The following MRPS6 variants were observed in gnomAD, a reference collection of about 807,000 sequenced individuals.
MRPS6 encodes the protein mitochondrial ribosomal protein S6, also known as small ribosomal subunit protein bS6m.
A neutral mutation model predicts 13.1 loss-of-function variants in MRPS6; 6 were observed. The ratio of observed to expected loss-of-function variants is 0.46; its 90% CI spans 0.25 to 0.91. The LOEUF is 0.91. MRPS6 is among the 40% of genes least tolerant of loss of function. MRPS6 has a pLI of 0.18. For missense variants in MRPS6, 164 were observed against 155.6 expected (o/e 1.05, Z -0.29); for synonymous variants, 61 against 56.5 (o/e 1.08, Z -0.36).
At chr21:34,127,086 A>T (rs1041699501) in intron 2 of MRPS6, among the ~76,000 whole-genome samples, 3 of 152,200 alleles carry the variant, frequency 2.0e-5, no homozygotes, top group African/African-American at 7.2e-5. Flanking sequence ...GCAAAGGTGC[A>T]TGTGCCTCGC....
chr21:34,129,426 T>G (rs1303835793), intron 2 of MRPS6, among the ~76,000 whole-genome samples: 1 of 152,238 alleles, frequency 6.6e-6, no homozygotes, highest in Non-Finnish European at 1.5e-5. Flanking sequence ...TTGGGCTGGC[T>G]TCCAAATGCC....
intron 1 of MRPS6, 41 bp downstream of exon 1, chr21:34,073,786 G>GC: frequency 7.1e-7 from 1 of 1,415,186 alleles, no homozygotes. Context: ...CCGCGCGGGC[G>GC]CCCCCGCTGC....
In MRPS6 at chr21:34,125,352, T is replaced by C. The variant is rs760092402; in HGVS notation, c.57T>C (p.Ala19=). The C allele has an allele frequency of 1.9e-6, 3 of 1,610,256 alleles. No homozygotes were observed. In the South Asian group the frequency reaches 3.3e-5, roughly 18 times the overall value. The change falls in exon 2 of 3, where the codon GCT becomes GCC. Residue 19 remains alanine, a synonymous_variant. Transcript: ENST00000399312. ...ACAAACAAAAACAGCCAGAGACTGC[T>C]GCTACTTTGAAACGTACGATAGAGG... ...ILKAMQRPET[A]ATLKRTIEAL...
At chr21:34,127,937 A>T (rs191142212) in intron 2 of MRPS6, among the ~76,000 whole-genome samples, 1 of 152,338 alleles carries the variant, frequency 6.6e-6, no homozygotes, top group East Asian at 1.9e-4. Flanking sequence ...AGGCTATGAC[A>T]CGTATCCGAA....
intron 1 of MRPS6, chr21:34,105,590 G>A (rs966971056): frequency 2.9e-5 from 29 of 999,728 alleles, no homozygotes; most frequent in African/African-American, 3.5e-5. Context: ...AGACCAGTTA[G>A]TACACTGGGG....
At chr21:34,117,436 T>C (rs191812517) in intron 1 of MRPS6, among the ~76,000 whole-genome samples, 12 of 152,328 alleles carry the variant, frequency 7.9e-5, no homozygotes, top group Non-Finnish European at 1.2e-4. Flanking sequence ...TGAGTTCTTG[T>C]GGCATCATTG....
rs1432223316 is a variant in MRPS6 at position 34,080,456 on chromosome 21, C to G, written c.45+6711C>G. 2.0e-5 allele frequency among the ~76,000 whole-genome samples: 3 copies of G among 152,102 alleles called. No individual in the cohort carries two copies. In the East Asian group the frequency reaches 5.8e-4, roughly 29 times the overall value. On this transcript the variant is annotated intron_variant, in intron 1 of 2. Coordinates refer to ENST00000399312, the MANE Select transcript of MRPS6 (RefSeq NM_032476.4). ...CTTTTATTTTCTTTGGTGCCGGCAT[C>G]ATGCTGTTTTTCTGTTTGGAACACC...
intron 1 of MRPS6, among the ~76,000 whole-genome samples, chr21:34,120,664 ATAAT>A (rs978838055): frequency 2.5e-4 from 38 of 152,168 alleles, no homozygotes; most frequent in African/African-American, 5.1e-4. Flanking sequence ...TAATCAGCAA[ATAAT>A]TATAATGTAA....
intron 1 of MRPS6, among the ~76,000 whole-genome samples, chr21:34,109,033 G>A (rs1249565756): frequency 6.6e-6 from 1 of 152,040 alleles, no homozygotes. Context: ...GCTCTTTCTA[G>A]GGCAGTTTCT....
At chr21:34,091,939 A>G (rs140927046) in intron 1 of MRPS6, among the ~76,000 whole-genome samples, 1 of 141,306 alleles carries the variant, frequency 7.1e-6, no homozygotes, top group South Asian at 2.3e-4. Flanking sequence ...TTATAATTTT[A>G]CTTGAGAGGT....
At chr21:34,074,150 C>T (rs907576046) in intron 1 of MRPS6, among the ~76,000 whole-genome samples, 21 of 149,190 alleles carry the variant, frequency 1.4e-4, no homozygotes, top group Non-Finnish European at 3.0e-4. Context: ...GAAGCTGCCT[C>T]GTCGCCGGCC....
intron 1 of MRPS6, 44 bp from the exon 2 acceptor site, chr21:34,125,297 C>A: frequency 1.2e-6 from 2 of 1,601,968 alleles, no homozygotes; most frequent in Non-Finnish European, 1.7e-6. Context: ...TATATTAATT[C>A]TGATGCTTTT....
At chr21:34,085,844 C>G (rs1450182016) in intron 1 of MRPS6, among the ~76,000 whole-genome samples, 5 of 152,144 alleles carry the variant, frequency 3.3e-5, no homozygotes, top group African/African-American at 1.2e-4. Context: ...CCTCGTGATT[C>G]ACCCGCCTCG....
rs1979358736 is a variant in MRPS6, at chr21:34,103,887, A to T, written c.46-21454A>T. ...TTTGAGGGCTTTTTACTGCAACTTGAAACTGGAGAAATAGGGACAGATGTC... is the reference window on the plus strand; with the variant it reads ...TTTGAGGGCTTTTTACTGCAACTTGTAACTGGAGAAATAGGGACAGATGTC... On this transcript the variant is annotated intron_variant, in intron 1 of 2. Coordinates refer to ENST00000399312, the MANE Select transcript of MRPS6 (RefSeq NM_032476.4). 7 of 1,000,028 alleles carry T rather than the reference A, an allele frequency of 7.0e-6. No individual in the cohort carries two copies. In the South Asian group the frequency reaches 2.8e-4, roughly 40 times the overall value. The allele number at this position is 1,000,028 out of a possible 1,614,324, so 61.9% of individuals were successfully genotyped here.
At chr21:34,137,856 A>G (rs1410777076) in intron 2 of MRPS6, among the ~76,000 whole-genome samples, 6 of 151,832 alleles carry the variant, frequency 4.0e-5, no homozygotes, top group Non-Finnish European at 5.9e-5. Context: ...AAATGATCAT[A>G]TGGTGTTTCT....
At chr21:34,103,539 A>T (rs1009493099) in intron 1 of MRPS6, 4 of 1,000,032 alleles carry the variant, frequency 4.0e-6, no homozygotes, top group Non-Finnish European at 4.8e-6. Context: ...AACAGTTTAT[A>T]TTCCATGATA....
chr21:34,133,527 A>G (rs999498986), intron 2 of MRPS6, among the ~76,000 whole-genome samples: 4 of 152,226 alleles, frequency 2.6e-5, no homozygotes, highest in Non-Finnish European at 2.9e-5. Context: ...ATCATAAGTA[A>G]GACCAAGACA....
At chr21:34,082,999 T>G (rs1165494690) in intron 1 of MRPS6, among the ~76,000 whole-genome samples, 1 of 152,200 alleles carries the variant, frequency 6.6e-6, no homozygotes, top group African/African-American at 2.4e-5. Flanking sequence ...AAACTTTCTT[T>G]ATTGGAGCCC....
intron 2 of MRPS6, among the ~76,000 whole-genome samples, chr21:34,139,032 T>G (rs1461272222): frequency 6.6e-6 from 1 of 151,940 alleles, no homozygotes; most frequent in Non-Finnish European, 1.5e-5. Flanking sequence ...TCATGTCCTT[T>G]GTAGGGACAC....
Sources: gnomAD v4.1 joint callset for allele counts (sites outside exome capture counted in the v4.1 genomes callset) on GRCh38, gnomAD v4.1.1 for gene constraint, MANE v1.5 for transcripts, NCBI Gene and HGNC (gene_info 2026-07-23, HGNC 2026-07-21) for gene names.